The following GPM6A variants were observed in gnomAD, a reference collection of about 807,000 sequenced individuals.
GPM6A encodes glycoprotein M6A.
GPM6A carries 7 observed loss-of-function variants against 32.1 expected under a neutral mutation model. The observed-to-expected ratio is 0.22, with a 90% CI of 0.12 to 0.41. GPM6A has a LOEUF of 0.41. Ranked by LOEUF, GPM6A falls within the 10% of genes least tolerant of loss-of-function variation. The pLI is 1.00. For missense variants in GPM6A, 235 were observed against 347.2 expected (o/e 0.68, Z 2.57); for synonymous variants, 130 against 123.4 (o/e 1.05, Z -0.35).
At position 175,861,365 on chromosome 4, in the gene GPM6A, G is replaced by A. The variant is rs556170984; in HGVS notation, c.-22-49116C>T. On this transcript the variant is annotated intron_variant, in intron 1 of 7. Coordinates refer to the GPM6A transcript ENST00000280187. Reference sequence around the variant, plus strand: ...CTTTATATATAAATTATATAGCTACGCATCTATAACTCTAGTCCTCTCTCA... The same window carrying A: ...CTTTATATATAAATTATATAGCTACACATCTATAACTCTAGTCCTCTCTCA... 8.6e-5 allele frequency among the ~76,000 whole-genome samples: 13 copies of A among 151,016 alleles called. No homozygotes were observed. The South Asian group carries it at 2.3e-3, about 27-fold the overall frequency.
chr4:175,880,661 A>T (rs889783663), intron 1 of GPM6A, among the ~76,000 whole-genome samples: 2 of 152,116 alleles, frequency 1.3e-5, no homozygotes, highest in Non-Finnish European at 2.9e-5. Context: ...TGTGAATGGG[A>T]GTTCACTCAT....
chr4:175,772,097 A>C (rs1286600404), intron 1 of GPM6A, among the ~76,000 whole-genome samples: 1 of 152,172 alleles, frequency 6.6e-6, no homozygotes, highest in African/African-American at 2.4e-5. Flanking sequence ...TCACAAGGGG[A>C]AGGATAAGGG....
intron 1 of GPM6A, among the ~76,000 whole-genome samples, chr4:175,709,083 A>T (rs1745382065): frequency 6.6e-6 from 1 of 152,220 alleles, no homozygotes; most frequent in Admixed American, 6.5e-5. Context: ...GCATACGTAA[A>T]CTTAATAAAA....
At chr4:175,921,878 G>A (rs1467987019) in intron 1 of GPM6A, among the ~76,000 whole-genome samples, 1 of 152,116 alleles carries the variant, frequency 6.6e-6, no homozygotes, top group African/African-American at 2.4e-5. Context: ...AGCTGGTACA[G>A]GAAGTCTATA....
intron 1 of GPM6A, among the ~76,000 whole-genome samples, chr4:175,828,307 C>A (rs545796903): frequency 6.6e-6 from 1 of 152,098 alleles, no homozygotes; most frequent in African/African-American, 2.4e-5. Context: ...TTTGAAAGCA[C>A]GTGAGTTTTT....
At position 175,633,949 on chromosome 4, in the gene GPM6A, CT is replaced by C. The variant is rs2110853194; in HGVS notation, c.*955del. On this transcript the variant is annotated 3_prime_UTR_variant, in exon 7 of 7. Coordinates refer to ENST00000393658, the MANE Select transcript of GPM6A (RefSeq NM_201591.3). ...TTTACAGAGGTGCAATCCATTAAAA[CT>C]TTTAAAGTAGGTAAAACAACTTCCG... The C allele has an allele frequency of 6.6e-6, 1 of 152,558 alleles. No homozygotes were observed. Among genetic ancestry groups the C allele is most frequent in the Non-Finnish European group, 1.5e-5 (1 of 67,932 alleles). The allele number at this position is 152,558 out of a possible 1,614,324, so 9.5% of individuals were successfully genotyped here.
At chr4:175,762,805 A>G (rs1467876470) in intron 1 of GPM6A, among the ~76,000 whole-genome samples, 2 of 152,164 alleles carry the variant, frequency 1.3e-5, no homozygotes, top group Non-Finnish European at 2.9e-5. Flanking sequence ...TGTCTAATTC[A>G]GACACTAAGA....
rs1472593842 is a variant in GPM6A at position 175,925,621 on chromosome 4, T to C, written c.-23+76688A>G. 2.6e-5 allele frequency among the ~76,000 whole-genome samples: 4 copies of C among 152,176 alleles called. No homozygotes were observed. In the East Asian group the frequency reaches 7.7e-4, roughly 29 times the overall value. Reference sequence around the variant, plus strand: ...ATTATTTGCTTTTATGGTGATAATGTGAATACAAGTCTTATTGTAGTATAG... The same window carrying C: ...ATTATTTGCTTTTATGGTGATAATGCGAATACAAGTCTTATTGTAGTATAG... On this transcript the variant is annotated intron_variant, in intron 1 of 7. Coordinates refer to the GPM6A transcript ENST00000280187.
intron 1 of GPM6A, among the ~76,000 whole-genome samples, chr4:175,734,126 A>C (rs1229851144): frequency 1.7e-5 from 2 of 116,828 alleles, no homozygotes; most frequent in Non-Finnish European, 3.5e-5. Flanking sequence ...AGGTTGTTTT[A>C]ATTTTTGCCA....
In GPM6A at chr4:175,691,209, G is replaced by A. The variant is rs540229584; in HGVS notation, c.230+10366C>T. On this transcript the variant is annotated intron_variant, in intron 2 of 6. Coordinates refer to ENST00000393658, the MANE Select transcript of GPM6A (RefSeq NM_201591.3). ...CAAGATGCATAAATAATCCTCTGAC[G>A]AAGAAGTCACTGATTATGAAGTCAC... 1.2e-4 allele frequency among the ~76,000 whole-genome samples: 19 copies of A among 152,280 alleles called. No individual in the cohort carries two copies. In the East Asian group the frequency reaches 1.4e-3, roughly 11 times the overall value.
At chr4:175,876,667 G>T (rs561803796) in intron 1 of GPM6A, among the ~76,000 whole-genome samples, 110 of 152,306 alleles carry the variant, frequency 7.2e-4, no homozygotes, top group African/African-American at 2.5e-3. Context: ...GCTTTAACAT[G>T]AAAGTGGGAA....
At chr4:175,872,279 G>A (rs1244575493) in intron 1 of GPM6A, among the ~76,000 whole-genome samples, 1 of 152,120 alleles carries the variant, frequency 6.6e-6, no homozygotes, top group Non-Finnish European at 1.5e-5. Flanking sequence ...GTGTCACCCT[G>A]AACACTTGTC....
At chr4:175,884,697 A>AT (rs574706930) in intron 1 of GPM6A, among the ~76,000 whole-genome samples, 33 of 151,372 alleles carry the variant, frequency 2.2e-4, no homozygotes, top group African/African-American at 7.3e-4. Context: ...AGCCCGGCTA[A>AT]TTTTTTTTGT....
intron 1 of GPM6A, among the ~76,000 whole-genome samples, chr4:175,726,676 A>G (rs368225685): frequency 2.9e-4 from 44 of 152,318 alleles, no homozygotes; most frequent in African/African-American, 1.0e-3. Context: ...CAGAGAAGCT[A>G]AAAGACACAA....
intron 4 of GPM6A, among the ~76,000 whole-genome samples, chr4:175,649,920 C>T (rs1741682911): frequency 6.6e-6 from 1 of 152,180 alleles, no homozygotes; most frequent in South Asian, 2.1e-4. Flanking sequence ...AGAGGCTAAT[C>T]ACATATTTTC....
At chr4:175,680,280 T>G (rs540512813) in intron 2 of GPM6A, among the ~76,000 whole-genome samples, 1 of 152,326 alleles carries the variant, frequency 6.6e-6, no homozygotes, top group East Asian at 1.9e-4. Flanking sequence ...GCTTTCCTCC[T>G]TTGATATTTG....
intron 2 of GPM6A, among the ~76,000 whole-genome samples, chr4:175,680,011 G>A (rs1007379554): frequency 6.6e-6 from 1 of 152,162 alleles, no homozygotes. Flanking sequence ...GGTGCTATAT[G>A]TGCTCATTGC....
At chr4:175,818,272 A>T (rs1002636031) in intron 1 of GPM6A, among the ~76,000 whole-genome samples, 4 of 152,202 alleles carry the variant, frequency 2.6e-5, no homozygotes, top group Non-Finnish European at 5.9e-5. Context: ...TCTTCTTCCT[A>T]AAACACTTTT....
chr4:175,801,012 TA>T (rs917063017), intron 1 of GPM6A: 1 of 179,846 alleles, frequency 5.6e-6, no homozygotes, highest in Non-Finnish European at 1.3e-5. Context: ...TTGTTAATCT[TA>T]GCACTATGTT....
Sources: gnomAD v4.1 joint callset for allele counts (sites outside exome capture counted in the v4.1 genomes callset) on GRCh38, gnomAD v4.1.1 for gene constraint, MANE v1.5 for transcripts, NCBI Gene and HGNC (gene_info 2026-07-23, HGNC 2026-07-21) for gene names.